FGGY: variants seen among roughly 807,000 people sequenced by gnomAD.
FGGY encodes the protein FGGY carbohydrate kinase domain-containing protein.
A neutral mutation model predicts 71.3 loss-of-function variants in FGGY; 72 were observed. The ratio of observed to expected loss-of-function variants is 1.01; its 90% CI spans 0.84 to 1.23. The LOEUF is 1.23. Ranked by LOEUF, FGGY falls within the 50% of genes most tolerant of loss-of-function variation. The pLI is 0.00. For missense variants in FGGY, 668 were observed against 682.3 expected (o/e 0.98, Z 0.23); for synonymous variants, 251 against 250.3 (o/e 1.00, Z -0.02).
At chr1:59,415,377 C>T (rs1034123090) in intron 5 of FGGY, among the ~76,000 whole-genome samples, 1 of 152,076 alleles carries the variant, frequency 6.6e-6, no homozygotes, top group African/African-American at 2.4e-5. Context: ...TCCAGATTTT[C>T]TGTCATCAGA....
At chr1:59,376,302 C>G (rs1369155814) in intron 4 of FGGY, among the ~76,000 whole-genome samples, 1 of 152,132 alleles carries the variant, frequency 6.6e-6, no homozygotes, top group Admixed American at 6.6e-5. Context: ...CAAGCTTTCA[C>G]CTAGATGTTT....
intron 2 of FGGY, among the ~76,000 whole-genome samples, chr1:59,322,947 C>T (rs1557541195): frequency 6.6e-6 from 1 of 152,066 alleles, no homozygotes; most frequent in Non-Finnish European, 1.5e-5. Flanking sequence ...ACCATTCTGT[C>T]CCTATTGATC....
At chr1:59,533,292 C>T (rs1014055038) in intron 7 of FGGY, among the ~76,000 whole-genome samples, 2 of 152,170 alleles carry the variant, frequency 1.3e-5, no homozygotes, top group South Asian at 2.1e-4. Flanking sequence ...TGCGCTTTTC[C>T]GACGGGCTTA....
chr1:59,684,438 G>T (rs537932733), intron 14 of FGGY, among the ~76,000 whole-genome samples: 1 of 152,240 alleles, frequency 6.6e-6, no homozygotes, highest in South Asian at 2.1e-4. Flanking sequence ...GGCTGGTGAC[G>T]GAGCTAGAAC....
At chr1:59,538,505 A>C (rs1172723410) in intron 7 of FGGY, among the ~76,000 whole-genome samples, 1 of 150,176 alleles carries the variant, frequency 6.7e-6, no homozygotes, top group African/African-American at 2.5e-5. Flanking sequence ...TATATACCCA[A>C]AGGACTATAA....
intron 5 of FGGY, among the ~76,000 whole-genome samples, chr1:59,454,545 A>T (rs1395214777): frequency 1.3e-5 from 2 of 152,210 alleles, no homozygotes; most frequent in Non-Finnish European, 2.9e-5. Flanking sequence ...ACATGTAAAA[A>T]AATCATTAAT....
intron 7 of FGGY, among the ~76,000 whole-genome samples, chr1:59,537,195 C>A (rs2095340982): frequency 6.6e-6 from 1 of 151,500 alleles, no homozygotes; most frequent in Non-Finnish European, 1.5e-5. Context: ...CATTCTTATA[C>A]ACCAATAACA....
intron 8 of FGGY, among the ~76,000 whole-genome samples, chr1:59,588,478 AAG>A: frequency 6.6e-6 from 1 of 152,288 alleles, no homozygotes; most frequent in East Asian, 1.9e-4. Flanking sequence ...GAGCAACTCC[AAG>A]ACACATAATT....
chr1:59,506,979 C>G (rs1319381343), intron 6 of FGGY, among the ~76,000 whole-genome samples: 2 of 152,176 alleles, frequency 1.3e-5, no homozygotes, highest in Admixed American at 6.5e-5. Context: ...GTTGTTCTTA[C>G]AGCTGTTAAA....
chr1:59,582,249 A>G (rs1454399435), intron 8 of FGGY, among the ~76,000 whole-genome samples: 1 of 149,804 alleles, frequency 6.7e-6, no homozygotes, highest in African/African-American at 2.5e-5. Context: ...AACTTGTCTC[A>G]AAAAAACCCC....
At position 59,524,291 on chromosome 1, in the gene FGGY, C is replaced by T. The variant is rs747124035; in HGVS notation, c.799+11852C>T. Among the ~76,000 whole-genome samples the T allele has an allele frequency of 3.3e-5, 5 of 151,982 alleles. 1 individual carries two copies. The highest frequency in any genetic ancestry group is 1.9e-4 in the East Asian group (1 of 5,158). On this transcript the variant is annotated intron_variant, in intron 7 of 15. Transcript: ENST00000303721. ...AGCATGGCAGGAGCTGAGGGCAGCT[C>T]GGCTCAGGCCTGCAGGTGCCTCAGT... is the stretch of plus-strand genomic sequence containing the variant.
At chr1:59,511,551 T>C (rs2094518864) in intron 6 of FGGY, among the ~76,000 whole-genome samples, 1 of 152,190 alleles carries the variant, frequency 6.6e-6, no homozygotes, top group South Asian at 2.1e-4. Context: ...CTTGTCTTCC[T>C]AACTAGGTTG....
At chr1:59,649,244 G>C (rs1186113059) in intron 11 of FGGY, among the ~76,000 whole-genome samples, 9 of 145,630 alleles carry the variant, frequency 6.2e-5, no homozygotes, top group Admixed American at 1.4e-4. Context: ...CTCTTTTTTG[G>C]TTCCATATGA....
chr1:59,541,863 G>A (rs774054859), intron 7 of FGGY, among the ~76,000 whole-genome samples: 9 of 152,190 alleles, frequency 5.9e-5, no homozygotes, highest in Middle Eastern at 3.2e-3. Context: ...TACTGTCTTT[G>A]TGATCATGTG....
intron 4 of FGGY, among the ~76,000 whole-genome samples, chr1:59,349,394 G>A (rs1000542548): frequency 5.9e-5 from 9 of 152,226 alleles, no homozygotes; most frequent in African/African-American, 2.2e-4. Context: ...AGGATTGGGC[G>A]GAGGGTCATT....
chr1:59,430,865 T>C (rs974390818), intron 5 of FGGY, among the ~76,000 whole-genome samples: 4 of 152,196 alleles, frequency 2.6e-5, no homozygotes, highest in Non-Finnish European at 4.4e-5. Context: ...ACACTTTTCA[T>C]TGGGTAGCCC....
At chr1:59,580,503 T>C in intron 8 of FGGY, among the ~76,000 whole-genome samples, 1 of 152,164 alleles carries the variant, frequency 6.6e-6, no homozygotes, top group East Asian at 1.9e-4. Flanking sequence ...TTAATTCCTC[T>C]TTCCCCAGAA....
chr1:59,378,633 A>C (rs1423599858), intron 4 of FGGY, 116 bp from the exon 5 acceptor site: 1 of 794,726 alleles, frequency 1.3e-6, no homozygotes, highest in African/African-American at 1.8e-5. Context: ...TCCTGAACAG[A>C]TGTTTCAATG....
In FGGY at chr1:59,339,848, G is replaced by GTTGTAAAGA. The variant is rs1308781440; in HGVS notation, c.202-107_202-99dup. ...GATACTAAATTTTTATCTGTTTTAT[G>GTTGTAAAGA]TTGTAAAGATTTTTTTCTATTCTGT... On this transcript the variant is annotated intron_variant, in intron 2 of 15. Coordinates refer to ENST00000303721, the MANE Select transcript of FGGY (RefSeq NM_018291.5). 6.2e-6 allele frequency: 4 copies of GTTGTAAAGA among 645,416 alleles called. No homozygotes were observed. In the East Asian group the frequency reaches 1.1e-4, roughly 18 times the overall value. 40.0% of individuals were successfully genotyped at this position (645,416 alleles called of 1,614,324 possible). A position where few individuals can be genotyped will look rare whatever the true frequency, so the allele number is the denominator to read the frequency against.
Sources: gnomAD v4.1 joint callset for allele counts (sites outside exome capture counted in the v4.1 genomes callset) on GRCh38, gnomAD v4.1.1 for gene constraint, MANE v1.5 for transcripts, NCBI Gene and HGNC (gene_info 2026-07-23, HGNC 2026-07-21) for gene names.